Variants in SLC9A9 observed in about 807,000 individuals in gnomAD.
SLC9A9 encodes sodium/hydrogen exchanger 9.
Under a neutral mutation model 77.8 loss-of-function variants are expected in SLC9A9, and 62 were observed. The observed-to-expected ratio is 0.80, with a 90% confidence interval of 0.65 to 0.98. SLC9A9 has a LOEUF of 0.98. Among genes scored for constraint, SLC9A9 ranks in the 50% least tolerant of loss-of-function variants. The probability of loss-of-function intolerance (pLI) is 0.00; values close to 1 mark genes in which losing one functional copy is unlikely to be tolerated. For synonymous variants in SLC9A9, 320 were observed against 283.5 expected, an observed-to-expected ratio of 1.13 and a Z score of -1.29; for missense variants, 775 against 774.9, an observed-to-expected ratio of 1.00 and a Z score of 0.00.
chr3:143,517,484 T>C, intron 9 of SLC9A9: 1 of 1,597,908 alleles, frequency 6.3e-7, no homozygotes, highest in Non-Finnish European at 8.5e-7. Flanking sequence ...TTCTGTTCTT[T>C]CTTTGATCTC....
intron 6 of SLC9A9, among the ~76,000 whole-genome samples, chr3:143,590,031 G>T (rs2037619749): frequency 1.3e-5 from 2 of 152,162 alleles, no homozygotes; most frequent in African/African-American, 4.8e-5. Flanking sequence ...CTACTTACAG[G>T]CCAAGATTTC....
At chr3:143,530,474 G>A (rs1030902806) in intron 9 of SLC9A9, among the ~76,000 whole-genome samples, 5 of 152,130 alleles carry the variant, frequency 3.3e-5, no homozygotes, top group Admixed American at 2.0e-4. Context: ...CCCTAGCCAC[G>A]CAGAGCTGTG....
At chr3:143,316,195 C>G (rs185528040) in intron 14 of SLC9A9, among the ~76,000 whole-genome samples, 6 of 152,120 alleles carry the variant, frequency 3.9e-5, no homozygotes, top group Non-Finnish European at 8.8e-5. Flanking sequence ...CTGTCACTCA[C>G]GAGATAAATT....
chr3:143,847,888 A>G (rs552376395), intron 1 of SLC9A9: 8 of 529,850 alleles, frequency 1.5e-5, no homozygotes, highest in African/African-American at 1.3e-4. Context: ...CCACATGACA[A>G]TGGACCCGCA....
chr3:143,298,138 G>A (rs151280494), intron 14 of SLC9A9, among the ~76,000 whole-genome samples: 1,715 of 152,292 alleles, frequency 0.011, 35 homozygotes, highest in African/African-American at 0.038. Flanking sequence ...TCTACATTAG[G>A]TTTAGCCATT....
At chr3:143,330,677 CT>C (rs2031740669) in intron 14 of SLC9A9, among the ~76,000 whole-genome samples, 1 of 152,224 alleles carries the variant, frequency 6.6e-6, no homozygotes, top group Non-Finnish European at 1.5e-5. Context: ...TTCCACAATG[CT>C]TAACTGTGTT....
At chr3:143,719,451 G>A (rs1175805767) in intron 4 of SLC9A9, among the ~76,000 whole-genome samples, 1 of 151,830 alleles carries the variant, frequency 6.6e-6, no homozygotes. Context: ...GCCTTTCAGG[G>A]ATGGGAGAAA....
At chr3:143,732,405 T>C (rs1211749864) in intron 4 of SLC9A9, among the ~76,000 whole-genome samples, 1 of 152,218 alleles carries the variant, frequency 6.6e-6, no homozygotes, top group Non-Finnish European at 1.5e-5. Context: ...CAGATCTTCA[T>C]TACCCTTTCC....
intron 6 of SLC9A9, among the ~76,000 whole-genome samples, chr3:143,598,485 G>A (rs768362599): frequency 3.3e-5 from 5 of 152,194 alleles, no homozygotes; most frequent in Non-Finnish European, 7.3e-5. Flanking sequence ...GCTAGTGAGC[G>A]TTCAATTTCT....
At chr3:143,828,582 CAGAG>C (rs886605919) in intron 2 of SLC9A9, among the ~76,000 whole-genome samples, 3 of 149,762 alleles carry the variant, frequency 2.0e-5, no homozygotes, top group Non-Finnish European at 3.0e-5. Flanking sequence ...CACACACACA[CAGAG>C]AGAGAGAGAG....
rs541443574 is a variant in SLC9A9, at chr3:143,605,722, T to A, written c.756-26999A>T. On this transcript the variant is annotated intron_variant, in intron 6 of 15. Transcript: ENST00000316549. ...GAAGGAATTGTACAGAAACCACTTT[T>A]AAGGCCTCAAATTTGTTTTCGGTGA... is the stretch of plus-strand genomic sequence containing the variant. Among the ~76,000 whole-genome samples, 5 of 152,322 alleles carry A rather than the reference T, an allele frequency of 3.3e-5. No homozygotes were observed. In the South Asian group the frequency reaches 1.0e-3, roughly 32 times the overall value.
intron 5 of SLC9A9, among the ~76,000 whole-genome samples, chr3:143,679,499 T>C (rs1409831800): frequency 1.3e-5 from 2 of 152,150 alleles, no homozygotes; most frequent in African/African-American, 4.8e-5. Flanking sequence ...TTGGGGGCCG[T>C]CTAGTGCGTT....
chr3:143,609,019 C>T (rs1007265951), intron 6 of SLC9A9, among the ~76,000 whole-genome samples: 12 of 152,092 alleles, frequency 7.9e-5, no homozygotes, highest in Admixed American at 1.3e-4. Context: ...TGATGCGACA[C>T]GGTTCGTTGT....
At chr3:143,699,292 G>C (rs564202209) in intron 4 of SLC9A9, among the ~76,000 whole-genome samples, 1 of 151,758 alleles carries the variant, frequency 6.6e-6, no homozygotes, top group East Asian at 1.9e-4. Context: ...TCCAGTGATT[G>C]TACACCCCAC....
intron 5 of SLC9A9, among the ~76,000 whole-genome samples, chr3:143,687,133 G>A (rs1388104338): frequency 6.6e-6 from 1 of 152,102 alleles, no homozygotes; most frequent in Non-Finnish European, 1.5e-5. Context: ...AATCCCAAAT[G>A]GAGCTAAATC....
chr3:143,811,528 T>C (rs754987468), intron 2 of SLC9A9, among the ~76,000 whole-genome samples: 2 of 152,108 alleles, frequency 1.3e-5, no homozygotes, highest in Non-Finnish European at 2.9e-5. Flanking sequence ...AGGGTTCTGC[T>C]TGGTACCCAG....
chr3:143,370,902 G>A (rs892881389), intron 13 of SLC9A9, among the ~76,000 whole-genome samples: 1 of 152,024 alleles, frequency 6.6e-6, no homozygotes. Context: ...GGGAAGAAAT[G>A]AGGTGAGCCC....
At chr3:143,455,172 T>C (rs1021727323) in intron 12 of SLC9A9, among the ~76,000 whole-genome samples, 4 of 152,196 alleles carry the variant, frequency 2.6e-5, no homozygotes, top group Non-Finnish European at 2.9e-5. Flanking sequence ...TTGCTGAAAA[T>C]ACTATCCCTA....
At chr3:143,787,994 T>C (rs1039012727) in intron 4 of SLC9A9, among the ~76,000 whole-genome samples, 1 of 152,062 alleles carries the variant, frequency 6.6e-6, no homozygotes, top group African/African-American at 2.4e-5. Flanking sequence ...TACAGACTTA[T>C]TATGAAGTTA....
Sources: gnomAD v4.1 joint callset for allele counts (sites outside exome capture counted in the v4.1 genomes callset) on GRCh38, gnomAD v4.1.1 for gene constraint, MANE v1.5 for transcripts, NCBI Gene and HGNC (gene_info 2026-07-23, HGNC 2026-07-21) for gene names.